The following TBC1D2 variants were observed in gnomAD, a reference collection of about 807,000 sequenced individuals.
TBC1D2 encodes TBC1 domain family member 2A.
A neutral mutation model predicts 91.1 loss-of-function variants in TBC1D2; 58 were observed. That is an observed-to-expected ratio of 0.64 (90% CI 0.52 to 0.79). The LOEUF (loss-of-function observed/expected upper bound fraction) is 0.79, where lower values mean the gene tolerates loss of function less well. TBC1D2 is among the 30% of genes least tolerant of loss of function. The pLI is 0.00. For synonymous variants in TBC1D2, 482 were observed against 511.5 expected (o/e 0.94, Z 0.78); for missense variants, 1,080 against 1,208.3 (o/e 0.89, Z 1.57).
At chr9:98,255,018 G>C (rs1829943423) in intron 1 of TBC1D2, among the ~76,000 whole-genome samples, 155 bp downstream of exon 1, 1 of 152,214 alleles carries the variant, frequency 6.6e-6, no homozygotes, top group South Asian at 2.1e-4. Flanking sequence ...ATGAGGAAAT[G>C]GGTGGGAATG....
chr9:98,240,542 TCACA>T (rs1273846952), intron 3 of TBC1D2, among the ~76,000 whole-genome samples: 1 of 152,188 alleles, frequency 6.6e-6, no homozygotes, highest in East Asian at 1.9e-4. Flanking sequence ...TACATGGATT[TCACA>T]AACCACAAGT....
intron 10 of TBC1D2, 39 bp downstream of exon 10, chr9:98,203,249 C>A: frequency 6.2e-7 from 1 of 1,612,002 alleles, no homozygotes; most frequent in South Asian, 1.1e-5. Flanking sequence ...TGGGGCACTG[C>A]CCTACATGGC....
At chr9:98,215,151 C>T (rs570433399) in intron 6 of TBC1D2, among the ~76,000 whole-genome samples, 2 of 152,176 alleles carry the variant, frequency 1.3e-5, no homozygotes, top group Admixed American at 6.5e-5. Context: ...GCTTCTTCTC[C>T]ACAGTCCCCA....
chr9:98,210,840 C>A lies in TBC1D2; in HGVS notation c.1489G>T (p.Ala497Ser). The A allele has an allele frequency of 1.3e-6, 2 of 1,550,922 alleles. No homozygotes were observed. The highest frequency in any genetic ancestry group is 1.2e-5 in the South Asian group (1 of 83,958). Residue 497 changes from alanine to serine, a missense_variant, in exon 8 of 13, where the codon GCC (alanine) becomes TCC (serine). By Grantham distance (99) the Ala-to-Ser change is moderately conservative. Coordinates refer to ENST00000465784, the MANE Select transcript of TBC1D2 (RefSeq NM_001267571.2). Reference protein sequence around the residue: ...EKEKALLTKCAYLQARNCQVE... With the variant: ...EKEKALLTKCSYLQARNCQVE... ...TGGCAGTTTCTGGCTTGGAGGTAGG[C>A]GCACTGCAAACAGGGAAAGGCTGGT...
chr9:98,251,851 G>A lies in TBC1D2; in HGVS notation c.445C>T (p.Pro149Ser), dbSNP rs368438612. 6.9e-6 allele frequency: 11 copies of A among 1,605,360 alleles called. No individual in the cohort carries two copies. Among genetic ancestry groups the A allele is most frequent in the Admixed American group, 6.9e-5 (4 of 58,378 alleles). Residue 149 changes from proline (P) to serine (S), a missense_variant, in exon 2 of 13, where the codon CCG becomes TCG. By Grantham distance (74) the Pro-to-Ser change is moderately conservative. Coordinates refer to ENST00000465784, the MANE Select transcript of TBC1D2 (RefSeq NM_001267571.2). ...MKRWEFHNSPPAPPATPDAAL... is the reference protein window; with the variant it reads ...MKRWEFHNSPSAPPATPDAAL... ...GCATCAGGGGTGGCAGGAGGTGCCGGCGGGCTGTTGTGGAATTCCCAGCGC... is the reference window on the plus strand; with the variant it reads ...GCATCAGGGGTGGCAGGAGGTGCCGACGGGCTGTTGTGGAATTCCCAGCGC...
intron 1 of TBC1D2, among the ~76,000 whole-genome samples, chr9:98,254,457 G>A (rs796427885): frequency 7.9e-5 from 12 of 152,340 alleles, no homozygotes; most frequent in African/African-American, 2.9e-4. Context: ...CCTAGGTTCT[G>A]AGAGGTTAAG....
rs201387462 is a variant in TBC1D2, at chr9:98,200,254, G to C, written c.2578C>G (p.Arg860Gly). The C allele has an allele frequency of 6.2e-7, 1 of 1,613,512 alleles. No individual in the cohort carries two copies. The highest frequency in any genetic ancestry group is 8.5e-7 in the Non-Finnish European group (1 of 1,179,874). Residue 860 changes from arginine to glycine, a missense_variant and splice_region_variant, in exon 12 of 13, where the codon CGG becomes GGG. Arg to Gly is a moderately radical substitution (Grantham distance 125, BLOSUM62 -2). Coordinates refer to ENST00000465784, the MANE Select transcript of TBC1D2 (RefSeq NM_001267571.2). ...RFFTKTISNS[R>G]KLMNIAFNDM... The stretch of plus-strand genomic sequence containing the variant: ...TGGCAGGGGGTGGGGGTTCCTCACC[G>C]GCTGTTGGAGATGGTCTTGGTGAAG...
At chr9:98,205,033 C>T (rs1828613019) in intron 9 of TBC1D2, among the ~76,000 whole-genome samples, 1 of 152,244 alleles carries the variant, frequency 6.6e-6, no homozygotes, top group African/African-American at 2.4e-5. Flanking sequence ...CTGCTTCCTA[C>T]TGGTCATCTC....
At chr9:98,212,329 C>G (rs561395799) in intron 7 of TBC1D2, among the ~76,000 whole-genome samples, 1 of 152,290 alleles carries the variant, frequency 6.6e-6, no homozygotes, top group Admixed American at 6.5e-5. Flanking sequence ...CCCCACCTCT[C>G]AGACCACACG....
intron 2 of TBC1D2, among the ~76,000 whole-genome samples, chr9:98,247,329 CAA>C (rs34334323): frequency 1.8e-5 from 2 of 109,380 alleles, no homozygotes; most frequent in African/African-American, 7.6e-5. Context: ...GACTCCGTCT[CAA>C]AAAAAAAAAA....
In TBC1D2 at chr9:98,213,494, A is replaced by G; in HGVS notation, c.1375-276T>C. The stretch of plus-strand genomic sequence containing the variant: ...TCAGGCAGGCCACTGAACCACTCTG[A>G]CCCTCTGTTTCCTCATCTGTAAAAG... On this transcript the variant is annotated intron_variant, in intron 6 of 12. Transcript: ENST00000465784. The G allele has an allele frequency of 6.5e-6, 7 of 1,072,952 alleles. No individual in the cohort carries two copies. In the South Asian group the frequency reaches 1.4e-4, roughly 21 times the overall value. 66.5% of individuals were successfully genotyped at this position (1,072,952 alleles called of 1,614,324 possible).
At chr9:98,250,204 A>G (rs1169893576) in intron 2 of TBC1D2, among the ~76,000 whole-genome samples, 1 of 152,114 alleles carries the variant, frequency 6.6e-6, no homozygotes. Flanking sequence ...AAGGAGAGAG[A>G]GCAGAGACTC....
intron 9 of TBC1D2, among the ~76,000 whole-genome samples, chr9:98,204,401 C>T (rs1197944306): frequency 6.6e-6 from 1 of 152,226 alleles, no homozygotes; most frequent in Non-Finnish European, 1.5e-5. Context: ...AGGGGGTCCA[C>T]AGAGCCCCTG....
intron 10 of TBC1D2, among the ~76,000 whole-genome samples, chr9:98,202,958 C>A (rs745717609): frequency 4.9e-4 from 75 of 152,378 alleles, no homozygotes; most frequent in Non-Finnish European, 7.3e-4. Flanking sequence ...TAGGCCATGC[C>A]CACAGTGCTG....
At chr9:98,209,321 G>C (rs575510954) in intron 8 of TBC1D2, among the ~76,000 whole-genome samples, 177 bp from the exon 9 acceptor site, 2 of 152,102 alleles carry the variant, frequency 1.3e-5, no homozygotes, top group Non-Finnish European at 2.9e-5. Context: ...TCTGTATAAT[G>C]CATATGGGAA....
In TBC1D2 at chr9:98,199,542, T is replaced by G; in HGVS notation, c.2626A>C (p.Lys876Gln). ...AFNDMNPFRM[K>Q]QLRQLRMVHR... ...ACCATGCGCAGCTGCCGCAGCTGTT[T>G]CATGCGGAAGGGGTTCATGTCATTG... is the stretch of plus-strand genomic sequence containing the variant. The change falls in exon 13 of 13, where the codon AAA becomes CAA. Residue 876 changes from lysine (K) to glutamine (Q), a missense_variant. Coordinates refer to ENST00000465784, the MANE Select transcript of TBC1D2 (RefSeq NM_001267571.2). The G allele has an allele frequency of 6.2e-7, 1 of 1,614,140 alleles. No individual in the cohort carries two copies. The highest frequency in any genetic ancestry group is 8.5e-7 in the Non-Finnish European group (1 of 1,180,042).
At chr9:98,244,261 C>T (rs1483587671) in intron 2 of TBC1D2, 132 bp from the exon 3 acceptor site, 16 of 1,204,306 alleles carry the variant, frequency 1.3e-5, no homozygotes, top group Non-Finnish European at 1.7e-5. Flanking sequence ...CAAGCAGGCC[C>T]TCCCTGTAGG....
At chr9:98,224,662 T>C (rs144467181) in intron 5 of TBC1D2, among the ~76,000 whole-genome samples, 1 of 152,332 alleles carries the variant, frequency 6.6e-6, no homozygotes, top group African/African-American at 2.4e-5. Flanking sequence ...GTTGTCACTT[T>C]ATTTAAATTT....
chr9:98,213,030 G>A, intron 7 of TBC1D2, 78 bp downstream of exon 7: 1 of 1,490,848 alleles, frequency 6.7e-7, no homozygotes, highest in Non-Finnish European at 9.3e-7. Context: ...AATGAGGAGA[G>A]TGAGACGGAG....
Sources: allele counts gnomAD v4.1 joint callset (sites outside exome capture counted in the v4.1 genomes callset), GRCh38; gene constraint gnomAD v4.1.1; transcripts MANE v1.5; gene names NCBI Gene and HGNC (gene_info 2026-07-23, HGNC 2026-07-21).